The following LSM14A variants were observed in gnomAD, a reference collection of about 807,000 sequenced individuals.
LSM14A encodes LSM14A mRNA processing body assembly factor, also known as protein LSM14 homolog A.
A neutral mutation model predicts 52.4 loss-of-function variants in LSM14A; 14 were observed. The observed-to-expected ratio is 0.27, with a 90% CI of 0.18 to 0.42. The LOEUF is 0.42. Ranked by LOEUF, LSM14A falls within the 10% of genes least tolerant of loss-of-function variation. The probability of loss-of-function intolerance (pLI) is 1.00; values close to 1 mark genes in which losing one functional copy is unlikely to be tolerated. For synonymous variants in LSM14A, 185 were observed against 200.3 expected (o/e 0.92, Z 0.64); for missense variants, 417 against 581.8 (o/e 0.72, Z 2.91).
intron 4 of LSM14A, among the ~76,000 whole-genome samples, chr19:34,213,979 C>T (rs757926898): frequency 2.5e-4 from 38 of 151,978 alleles, no homozygotes; most frequent in Admixed American, 7.2e-4. Flanking sequence ...GACAGGCTTT[C>T]GCCATGTTGT....
rs2073412826 is a variant in LSM14A at position 34,227,690 on chromosome 19, C to T, written c.*302C>T. ...CAGTGGGACTTAACAAGTATTTTTT[C>T]ATCACTGAAAGGTTTTTTTTTTTTA... On this transcript the variant is annotated 3_prime_UTR_variant, in exon 10 of 10. Transcript: ENST00000544216. The T allele has an allele frequency of 6.6e-6, 2 of 300,836 alleles. No individual in the cohort carries two copies. The highest frequency in any genetic ancestry group is 1.0e-4 in the South Asian group (1 of 10,042). The allele number at this position is 300,836 out of a possible 1,614,324, so 18.6% of individuals were successfully genotyped here.
At chr19:34,175,862 T>G (rs753670806) in intron 1 of LSM14A, among the ~76,000 whole-genome samples, 34 of 152,162 alleles carry the variant, frequency 2.2e-4, no homozygotes, top group African/African-American at 7.0e-4. Flanking sequence ...TTCGTTTTTT[T>G]TTGTTGTTGT....
chr19:34,191,525 T>C (rs894744238), intron 1 of LSM14A, among the ~76,000 whole-genome samples: 10 of 152,160 alleles, frequency 6.6e-5, no homozygotes, highest in Non-Finnish European at 1.5e-5. Context: ...CCCTCTTTTC[T>C]TCCCTTCTTT....
chr19:34,192,471 G>A (rs1481400638), intron 1 of LSM14A, among the ~76,000 whole-genome samples: 3 of 150,478 alleles, frequency 2.0e-5, no homozygotes, highest in Non-Finnish European at 4.4e-5. Context: ...GACTACAGGT[G>A]CATGCCAACA....
At position 34,221,321 on chromosome 19, in the gene LSM14A, G is replaced by A. The variant is rs527945555; in HGVS notation, c.1137-186G>A. ...TAGTCTCGAACTCCTGACTTCAGGCGATCCGCCCCCTCGGCCTCCCAAAGT... is the reference window on the plus strand; with the variant it reads ...TAGTCTCGAACTCCTGACTTCAGGCAATCCGCCCCCTCGGCCTCCCAAAGT... On this transcript the variant is annotated intron_variant, in intron 8 of 9. Coordinates refer to ENST00000544216, the MANE Select transcript of LSM14A (RefSeq NM_015578.4). 1.2e-3 allele frequency: 729 copies of A among 623,628 alleles called. 7 individuals carry two copies. In the African/African-American group the frequency reaches 0.012, roughly 10 times the overall value. 38.6% of individuals were successfully genotyped at this position (623,628 alleles called of 1,614,324 possible).
chr19:34,190,015 T>C (rs544505555), intron 1 of LSM14A, among the ~76,000 whole-genome samples: 1 of 152,328 alleles, frequency 6.6e-6, no homozygotes, highest in Admixed American at 6.5e-5. Flanking sequence ...GATTTCTGAA[T>C]GTACTGACAT....
At chr19:34,177,773 G>A (rs2069181869) in intron 1 of LSM14A, among the ~76,000 whole-genome samples, 1 of 152,094 alleles carries the variant, frequency 6.6e-6, no homozygotes, top group Non-Finnish European at 1.5e-5. Context: ...ATGCATGTCT[G>A]TCGTCCCAGC....
At chr19:34,172,846 T>G in intron 1 of LSM14A, 83 bp downstream of exon 1, 132 of 1,382,420 alleles carry the variant, frequency 9.5e-5, no homozygotes, top group Admixed American at 1.4e-4. Context: ...GGCCTCCTCG[T>G]TCCCTCCCCT....
At chr19:34,218,559 A>G (rs568484261) in intron 6 of LSM14A, among the ~76,000 whole-genome samples, 4 of 152,292 alleles carry the variant, frequency 2.6e-5, no homozygotes, top group South Asian at 4.1e-4. Flanking sequence ...ATTTCACGCA[A>G]TTGTGATCAT....
Position 34,219,871 on chromosome 19 carries a change from A to G in LSM14A, c.1130A>G (p.Asp377Gly). 1 of 1,602,582 alleles carries G rather than the reference A, an allele frequency of 6.2e-7. No individual in the cohort carries two copies. The highest frequency in any genetic ancestry group is 8.5e-7 in the Non-Finnish European group (1 of 1,171,308). The change falls in exon 8 of 10, where the codon GAC becomes GGC. Residue 377 changes from aspartate to glycine, a missense_variant. Coordinates refer to ENST00000544216, the MANE Select transcript of LSM14A (RefSeq NM_015578.4). ...KSFFDNISCD[D>G]NRERRPTWAE... is the part of the protein sequence containing the mutation. ...TTCTTTGATAATATTTCTTGTGATG[A>G]CAATAGGTACAGTTTTTAAGCTGTT...
intron 1 of LSM14A, among the ~76,000 whole-genome samples, chr19:34,194,223 A>G (rs1197042189): frequency 6.6e-6 from 1 of 152,190 alleles, no homozygotes. Flanking sequence ...ACCACTAAAG[A>G]TACAAATAAA....
chr19:34,201,514 T>C (rs569953010), intron 3 of LSM14A, among the ~76,000 whole-genome samples: 2 of 152,240 alleles, frequency 1.3e-5, no homozygotes, highest in South Asian at 4.1e-4. Flanking sequence ...AGCTAATTTT[T>C]GTATTTTTAG....
At chr19:34,207,195 A>G (rs142120559) in intron 3 of LSM14A, among the ~76,000 whole-genome samples, 1,822 of 152,244 alleles carry the variant, frequency 0.012, 20 homozygotes, top group Non-Finnish European at 0.016. Context: ...TCAGGAACTC[A>G]CGGAAGAGAT....
intron 3 of LSM14A, among the ~76,000 whole-genome samples, chr19:34,202,224 G>T (rs1490723552): frequency 6.7e-6 from 1 of 148,744 alleles, no homozygotes; most frequent in African/African-American, 2.5e-5. Flanking sequence ...CTGCTGCCCA[G>T]CCTGGAGTAC....
chr19:34,217,027 C>T (rs555915324), intron 6 of LSM14A, among the ~76,000 whole-genome samples: 3 of 152,174 alleles, frequency 2.0e-5, no homozygotes, highest in African/African-American at 4.8e-5. Flanking sequence ...TTTGGGACGC[C>T]GAGGCGGGCA....
intron 5 of LSM14A, 125 bp downstream of exon 5, chr19:34,215,425 G>A (rs181227312): frequency 8.5e-7 from 1 of 1,173,000 alleles, no homozygotes; most frequent in Non-Finnish European, 1.2e-6. Context: ...ATGATAGAAT[G>A]TTTGGTCTTT....
chr19:34,218,568 A>G (rs889609257), intron 6 of LSM14A, among the ~76,000 whole-genome samples: 1 of 152,224 alleles, frequency 6.6e-6, no homozygotes, highest in African/African-American at 2.4e-5. Flanking sequence ...AATTGTGATC[A>G]TTAAACTCAT....
At chr19:34,193,272 C>T (rs2070587427) in intron 1 of LSM14A, among the ~76,000 whole-genome samples, 1 of 152,212 alleles carries the variant, frequency 6.6e-6, no homozygotes, top group African/African-American at 2.4e-5. Context: ...CATACCTCAG[C>T]CTCCTTATAG....
Position 34,226,375 on chromosome 19 carries a change from CTTTTT to C in LSM14A, c.1369-971_1369-967del, listed in dbSNP as rs528137318. On this transcript the variant is annotated intron_variant, in intron 9 of 9. Transcript: ENST00000544216. The stretch of plus-strand genomic sequence containing the variant: ...CCCTCTCCTGTCCCCATCTCTTTCT[CTTTTT>C]TTTTTTTTTTTTTTTTTTACCTTTC... 6,380 of 1,184,828 alleles carry C rather than the reference CTTTTT, an allele frequency of 5.4e-3. 1 individual carries two copies. Among genetic ancestry groups the C allele is most frequent in the East Asian group, 0.012 (380 of 32,252 alleles). The allele number at this position is 1,184,828 out of a possible 1,614,324, so 73.4% of individuals were successfully genotyped here. A position where few individuals can be genotyped will look rare whatever the true frequency, so the allele number is the denominator to read the frequency against.
Sources: gnomAD v4.1 joint callset for allele counts (sites outside exome capture counted in the v4.1 genomes callset) on GRCh38, gnomAD v4.1.1 for gene constraint, MANE v1.5 for transcripts, NCBI Gene and HGNC (gene_info 2026-07-23, HGNC 2026-07-21) for gene names.